Variants in ANKHD1 observed in about 807,000 individuals in gnomAD.
ANKHD1 encodes ankyrin repeat and KH domain-containing protein 1.
A neutral mutation model predicts 230.5 loss-of-function variants in ANKHD1; 31 were observed. That is an observed-to-expected ratio of 0.13 (90% CI 0.10 to 0.18). ANKHD1 has a LOEUF of 0.18. ANKHD1 is among the 10% of genes least tolerant of loss of function. The pLI, the probability that ANKHD1 is intolerant of heterozygous loss-of-function variation, is 1.00. For synonymous variants in ANKHD1, 1,074 were observed against 1,117.6 expected (o/e 0.96, Z 0.78); for missense variants, 2,256 against 3,071.3 (o/e 0.73, Z 6.27).
At chr5:140,418,992 A>C (rs187035042) in intron 1 of ANKHD1, among the ~76,000 whole-genome samples, 160 of 152,294 alleles carry the variant, frequency 1.1e-3, no homozygotes, top group African/African-American at 3.7e-3. Flanking sequence ...TGGCCTCCCA[A>C]AGTGCTGGAG....
At chr5:140,486,828 A>C (rs1204704352) in intron 13 of ANKHD1, 130 bp from the exon 14 acceptor site, 2 of 896,170 alleles carry the variant, frequency 2.2e-6, no homozygotes, top group African/African-American at 1.7e-5. Context: ...TTTTTTTAAA[A>C]AAAGCTTCAG....
In ANKHD1 at chr5:140,468,052, C is replaced by CTTTTTT. The variant is rs869172143; in HGVS notation, c.1782+3311_1782+3316dup. Among the ~76,000 whole-genome samples, 75 of 52,418 alleles carry CTTTTTT rather than the reference C, an allele frequency of 1.4e-3. 4 individuals carry two copies. The highest frequency in any genetic ancestry group is 2.0e-3 in the African/African-American group (23 of 11,272). The allele number at this position is 52,418 out of a possible 152,430, so 34.4% of individuals were successfully genotyped here. A position where few individuals can be genotyped will look rare whatever the true frequency, so the allele number is the denominator to read the frequency against. On this transcript the variant is annotated intron_variant, in intron 10 of 33. Transcript: ENST00000360839. ...AGTTTAAGGTTTAAGTGTACTAATT[C>CTTTTTT]TTTTTTTTTTTTTTTTTTTTTTTTT...
Position 140,497,212 on chromosome 5 carries a change from C to A in ANKHD1, c.2938C>A (p.Pro980Thr). 6.2e-7 allele frequency: 1 copy of A among 1,611,524 alleles called. No individual in the cohort carries two copies. Among genetic ancestry groups the A allele is most frequent in the Non-Finnish European group, 8.5e-7 (1 of 1,179,980 alleles). Residue 980 changes from proline to threonine, a missense_variant, in exon 15 of 34, where the codon CCA (proline) becomes ACA (threonine). Physicochemically the swap from Pro to Thr is conservative, Grantham distance 38. Coordinates refer to ENST00000360839, the MANE Select transcript of ANKHD1 (RefSeq NM_017747.3). ...TGATCAGGGGCTGTTAGTTCAAGAACCAGATGGACTAATGGTTGCAACTCC... is the reference window on the plus strand; with the variant it reads ...TGATCAGGGGCTGTTAGTTCAAGAAACAGATGGACTAATGGTTGCAACTCC... ...GHDQGLLVQE[P>T]DGLMVATPAQ...
chr5:140,455,974 CA>C (rs1775151722), intron 7 of ANKHD1, among the ~76,000 whole-genome samples: 1 of 152,188 alleles, frequency 6.6e-6, no homozygotes, highest in South Asian at 2.1e-4. Context: ...CCCATCGTCT[CA>C]GCCAAAAATC....
intron 10 of ANKHD1, among the ~76,000 whole-genome samples, chr5:140,469,339 CAAAAAAA>C (rs1034952876): frequency 1.9e-4 from 17 of 87,608 alleles, no homozygotes; most frequent in Admixed American, 7.5e-4. Context: ...CTGTCTCTAC[CAAAAAAA>C]AAAAAAAAAA....
In ANKHD1 at chr5:140,508,221, A is replaced by G. The variant is rs1752617767; in HGVS notation, c.3765+223A>G. Among the ~76,000 whole-genome samples the G allele has an allele frequency of 3.9e-5, 6 of 152,208 alleles. 1 individual carries two copies. The highest frequency in any genetic ancestry group is 3.9e-4 in the Admixed American group (6 of 15,280). On this transcript the variant is annotated intron_variant, in intron 20 of 33. Coordinates refer to ENST00000360839, the MANE Select transcript of ANKHD1 (RefSeq NM_017747.3). ...CAGAATTAGTACTTTTCCCAACCTC[A>G]GCCTTGAGTAGCTTTCTATTAATAC...
At chr5:140,472,432 A>G in intron 10 of ANKHD1, 1 of 1,393,362 alleles carries the variant, frequency 7.2e-7, no homozygotes, top group Non-Finnish European at 9.3e-7. Flanking sequence ...TCTTCAATTG[A>G]AAAAGATTAT....
intron 30 of ANKHD1, 118 bp downstream of exon 30, chr5:140,535,656 G>A: frequency 7.6e-7 from 1 of 1,310,682 alleles, no homozygotes; most frequent in Non-Finnish European, 9.9e-7. Context: ...GATGCCCAAG[G>A]TTTGTTCTGT....
intron 14 of ANKHD1, among the ~76,000 whole-genome samples, chr5:140,493,414 A>AATAG (rs1751895245): frequency 6.6e-6 from 1 of 152,202 alleles, no homozygotes; most frequent in African/African-American, 2.4e-5. Flanking sequence ...GATACCAGTG[A>AATAG]ATAGATGTCT....
In ANKHD1 at chr5:140,535,490, A is replaced by G. The variant is rs745315191; in HGVS notation, c.6979A>G (p.Asn2327Asp). 1.2e-6 allele frequency: 2 copies of G among 1,612,644 alleles called. No homozygotes were observed. The highest frequency in any genetic ancestry group is 1.1e-5 in the South Asian group (1 of 90,830). Residue 2327 changes from asparagine to aspartate, a missense_variant, in exon 30 of 34, where the codon AAC becomes GAC. Asn to Asp is a conservative substitution (Grantham distance 23). Around this residue, in one of 13 missense-constraint regions of ANKHD1, gnomAD observed 778 missense variants for 966.5 expected, o/e 0.80. Coordinates refer to ENST00000360839, the MANE Select transcript of ANKHD1 (RefSeq NM_017747.3). ...GPAPVGTPSFNRQHFSPHPWT... is the reference protein window; with the variant it reads ...GPAPVGTPSFDRQHFSPHPWT... ...AGCTCCTGTTGGGACTCCTAGTTTCAACAGACAACATTTTTCTCCCCATCC... is the reference window on the plus strand; with the variant it reads ...AGCTCCTGTTGGGACTCCTAGTTTCGACAGACAACATTTTTCTCCCCATCC...
In ANKHD1 at chr5:140,526,908, T is replaced by TG. The variant is rs779309258; in HGVS notation, c.4941-19dup. ...CTTAAAACTTATCTTTTATTGTACTTGCTATTTGTCTCTTCTTAGACTTGA... is the reference window on the plus strand; with the variant it reads ...CTTAAAACTTATCTTTTATTGTACTTGGCTATTTGTCTCTTCTTAGACTTGA... On this transcript the variant is annotated intron_variant, in intron 26 of 33. Coordinates refer to ENST00000360839, the MANE Select transcript of ANKHD1 (RefSeq NM_017747.3). The TG allele has an allele frequency of 4.4e-6, 7 of 1,600,440 alleles. No homozygotes were observed. The highest frequency in any genetic ancestry group is 6.0e-6 in the Non-Finnish European group (7 of 1,175,458).
rs762636440 is a variant in ANKHD1, at chr5:140,496,627, A to C, written c.2353A>C (p.Lys785Gln). ...LECIVEETEGKLNELGQRISA... is the reference protein window; with the variant it reads ...LECIVEETEGQLNELGQRISA... ...GTGCATAGTAGAGGAGACTGAAGGC[A>C]AGCTGAATGAACTGGGACAAAGAAT... The change falls in exon 15 of 34, where the codon AAG (lysine) becomes CAG (glutamine). Residue 785 changes from lysine to glutamine, a missense_variant. Lys to Gln is a moderately conservative substitution (Grantham distance 53). Transcript: ENST00000360839. The C allele has an allele frequency of 5.0e-6, 8 of 1,613,860 alleles. No homozygotes were observed. Among genetic ancestry groups the C allele is most frequent in the African/African-American group, 1.3e-5 (1 of 74,978 alleles).
At chr5:140,415,737 C>T (rs1159967696) in intron 1 of ANKHD1, among the ~76,000 whole-genome samples, 6 of 151,736 alleles carry the variant, frequency 4.0e-5, no homozygotes, top group African/African-American at 7.2e-5. Flanking sequence ...CGCACCCAGC[C>T]GCCTTTGATA....
rs2126916268 is a variant in ANKHD1 at position 140,438,516 on chromosome 5, C to G, written c.516C>G (p.Leu172=). The G allele has an allele frequency of 6.2e-7, 1 of 1,613,314 alleles. No individual in the cohort carries two copies. The highest frequency in any genetic ancestry group is 1.1e-5 in the South Asian group (1 of 90,950). ...AAGCTTTTGCAGATCCTGAGGTACT[C>G]CGGAGACTGACATCCTCAGTTAGTT... is the stretch of plus-strand genomic sequence containing the variant. ...DGKAFADPEV[L]RRLTSSVSCA... Residue 172 remains leucine, a synonymous_variant, in exon 3 of 34, where the codon CTC becomes CTG. Transcript: ENST00000360839.
At chr5:140,447,152 C>A (rs1774346410) in intron 6 of ANKHD1, among the ~76,000 whole-genome samples, 1 of 152,110 alleles carries the variant, frequency 6.6e-6, no homozygotes, top group Non-Finnish European at 1.5e-5. Flanking sequence ...ATCCACCTGC[C>A]TTGGCCTCCT....
At chr5:140,492,525 C>T (rs1751853406) in intron 14 of ANKHD1, among the ~76,000 whole-genome samples, 1 of 152,202 alleles carries the variant, frequency 6.6e-6, no homozygotes, top group Non-Finnish European at 1.5e-5. Flanking sequence ...CATCATACAT[C>T]TGTTTATCAA....
chr5:140,503,397 C>T (rs2127048405), intron 15 of ANKHD1, among the ~76,000 whole-genome samples: 1 of 152,052 alleles, frequency 6.6e-6, no homozygotes, highest in African/African-American at 2.4e-5. Flanking sequence ...GCTAAAAACA[C>T]TGTGTTAAAT....
chr5:140,438,926 T>C (rs1205510284), intron 3 of ANKHD1, among the ~76,000 whole-genome samples: 1 of 152,204 alleles, frequency 6.6e-6, no homozygotes, highest in Non-Finnish European at 1.5e-5. Context: ...AAAGTTATTA[T>C]AGTAAACTCT....
chr5:140,473,446 A>T (rs1750781158), intron 10 of ANKHD1, among the ~76,000 whole-genome samples: 3 of 142,380 alleles, frequency 2.1e-5, no homozygotes, highest in African/African-American at 7.7e-5. Flanking sequence ...AATTTTTTAA[A>T]TTTTTTTTTT....
Sources: allele counts gnomAD v4.1 joint callset (sites outside exome capture counted in the v4.1 genomes callset), GRCh38; gene constraint gnomAD v4.1.1; regional missense constraint gnomAD v4.1.1; transcripts MANE v1.5; gene names NCBI Gene and HGNC (gene_info 2026-07-23, HGNC 2026-07-21).